SCAMP1: variants seen among roughly 807,000 people sequenced by gnomAD.
SCAMP1 encodes the protein secretory carrier membrane protein 1.
A neutral mutation model predicts 41.8 loss-of-function variants in SCAMP1; 15 were observed. That is an observed-to-expected ratio of 0.36 (90% CI 0.24 to 0.55). SCAMP1 has a LOEUF of 0.55. Among genes scored for constraint, SCAMP1 ranks in the 20% least tolerant of loss-of-function variants. SCAMP1 has a pLI of 0.86. For synonymous variants in SCAMP1, 135 were observed against 136.8 expected (o/e 0.99, Z 0.09); for missense variants, 341 against 412.6 (o/e 0.83, Z 1.50).
chr5:78,375,516 T>G (rs1235578846), intron 1 of SCAMP1, among the ~76,000 whole-genome samples: 6 of 152,202 alleles, frequency 3.9e-5, no homozygotes. Flanking sequence ...TTTCTCTCTT[T>G]GAATCTGTAG....
chr5:78,448,103 T>TTCCTCCCCTTTCCTCCCCCC (rs1753113103), intron 6 of SCAMP1, among the ~76,000 whole-genome samples: 2 of 25,508 alleles, frequency 7.8e-5, no homozygotes, highest in African/African-American at 4.7e-4. Flanking sequence ...TTCCCCCTAC[T>TTCCTCCCCTTTCCTCCCCCC]CCACTACTGC....
rs1235178670 is a variant in SCAMP1 at position 78,410,087 on chromosome 5, A to G, written c.136-5433A>G. 2.7e-5 allele frequency among the ~76,000 whole-genome samples: 4 copies of G among 150,018 alleles called. No individual in the cohort carries two copies. The East Asian group carries it at 5.9e-4, about 22-fold the overall frequency. ...TTGGGACAATATATGTGAGAATTAT[A>G]TCTCACTTAAGGTGCCGGGAACTCT... On this transcript the variant is annotated intron_variant, in intron 2 of 8. Transcript: ENST00000621999.
chr5:78,406,856 T>G (rs1363237294), intron 2 of SCAMP1, among the ~76,000 whole-genome samples: 1 of 152,200 alleles, frequency 6.6e-6, no homozygotes, highest in East Asian at 1.9e-4. Context: ...CCAGACTTTG[T>G]TTTTGATTCT....
chr5:78,398,298 A>G (rs1040879638), intron 2 of SCAMP1, among the ~76,000 whole-genome samples: 16 of 151,268 alleles, frequency 1.1e-4, no homozygotes, highest in African/African-American at 3.2e-4. Flanking sequence ...CAATTGGTGA[A>G]TCTATATTGA....
chr5:78,469,647 A>C (rs537381229), intron 8 of SCAMP1, among the ~76,000 whole-genome samples: 3 of 152,018 alleles, frequency 2.0e-5, no homozygotes, highest in African/African-American at 4.8e-5. Flanking sequence ...AATGCTGTTC[A>C]TGTGGCACTT....
chr5:78,468,264 G>A (rs1378080761), intron 8 of SCAMP1, among the ~76,000 whole-genome samples: 2 of 152,124 alleles, frequency 1.3e-5, no homozygotes, highest in Admixed American at 1.3e-4. Context: ...ATGGAGAAGG[G>A]TCTAGTTTAG....
At chr5:78,432,297 TG>T (rs1277857485) in intron 6 of SCAMP1, among the ~76,000 whole-genome samples, 1 of 152,156 alleles carries the variant, frequency 6.6e-6, no homozygotes, top group Admixed American at 6.6e-5. Flanking sequence ...TTTGTGTGTG[TG>T]GGTGTATATG....
At chr5:78,469,090 A>T (rs190216249) in intron 8 of SCAMP1, among the ~76,000 whole-genome samples, 1 of 152,180 alleles carries the variant, frequency 6.6e-6, no homozygotes, top group Non-Finnish European at 1.5e-5. Context: ...ATCACATATT[A>T]TAAGTGGACC....
At chr5:78,434,549 T>G (rs1353106711) in intron 6 of SCAMP1, among the ~76,000 whole-genome samples, 1 of 70,908 alleles carries the variant, frequency 1.4e-5, no homozygotes, top group Non-Finnish European at 2.7e-5. Flanking sequence ...TCCTTCTTTC[T>G]TCCTTCCTTT....
chr5:78,398,541 A>ATTT (rs57209214), intron 2 of SCAMP1, among the ~76,000 whole-genome samples: 1 of 44,226 alleles, frequency 2.3e-5, no homozygotes, highest in Non-Finnish European at 4.2e-5. Flanking sequence ...AAGGTTCACT[A>ATTT]TTTTTTTTTT....
chr5:78,431,003 A>G (rs764421553), intron 6 of SCAMP1, among the ~76,000 whole-genome samples: 1 of 152,008 alleles, frequency 6.6e-6, no homozygotes, highest in Non-Finnish European at 1.5e-5. Context: ...GTATGATCTA[A>G]GGACTCTTGG....
chr5:78,408,236 A>G (rs1236128863), intron 2 of SCAMP1, among the ~76,000 whole-genome samples: 1 of 152,164 alleles, frequency 6.6e-6, no homozygotes, highest in Non-Finnish European at 1.5e-5. Flanking sequence ...ACCTGGTGGC[A>G]GGCAAGAGAG....
intron 1 of SCAMP1, among the ~76,000 whole-genome samples, chr5:78,372,923 T>A (rs1435580943): frequency 6.1e-5 from 1 of 16,304 alleles, no homozygotes; most frequent in East Asian, 3.8e-4. Flanking sequence ...TTAAAAAGAT[T>A]CCCATCTTTT....
rs1343742320 is a variant in SCAMP1, at chr5:78,452,967, G to T, written c.734+2933G>T. On this transcript the variant is annotated intron_variant, in intron 7 of 8. Transcript: ENST00000621999. Reference sequence around the variant, plus strand: ...TGAGCATTTTTTCATGTGTTTTTTGGCTGCATAAATGTCTTCTTTTGAGAA... The same window carrying T: ...TGAGCATTTTTTCATGTGTTTTTTGTCTGCATAAATGTCTTCTTTTGAGAA... Among the ~76,000 whole-genome samples, 10 of 148,564 alleles carry T rather than the reference G, an allele frequency of 6.7e-5. No homozygotes were observed. The South Asian group carries it at 1.7e-3, about 26-fold the overall frequency.
At chr5:78,430,631 G>C (rs1423981199) in intron 6 of SCAMP1, among the ~76,000 whole-genome samples, 1 of 151,808 alleles carries the variant, frequency 6.6e-6, no homozygotes, top group Non-Finnish European at 1.5e-5. Flanking sequence ...TACTGTTTTA[G>C]AGTCTACAAA....
chr5:78,362,426 G>C (rs1321305587), intron 1 of SCAMP1, among the ~76,000 whole-genome samples: 1 of 152,176 alleles, frequency 6.6e-6, no homozygotes, highest in African/African-American at 2.4e-5. Context: ...TGTGACATCT[G>C]ATATTGCCAT....
chr5:78,466,281 A>C (rs1424108785), intron 8 of SCAMP1, among the ~76,000 whole-genome samples: 1 of 152,186 alleles, frequency 6.6e-6, no homozygotes, highest in Non-Finnish European at 1.5e-5. Flanking sequence ...GAAGAGAAAT[A>C]AATTGGTGGG....
chr5:78,395,881 C>T (rs1243033074), intron 2 of SCAMP1, among the ~76,000 whole-genome samples: 1 of 152,142 alleles, frequency 6.6e-6, no homozygotes, highest in Non-Finnish European at 1.5e-5. Flanking sequence ...TCATTTTTAC[C>T]ATATTCTCTT....
At chr5:78,449,904 TTTTC>T (rs772183667) in intron 6 of SCAMP1, 25 bp from the exon 7 acceptor site, 158 of 1,314,718 alleles carry the variant, frequency 1.2e-4, no homozygotes, top group African/African-American at 7.3e-4. Context: ...TAACCCCCTT[TTTTC>T]TTTCTTTCTT....
Sources: gnomAD v4.1 joint callset for allele counts (sites outside exome capture counted in the v4.1 genomes callset) on GRCh38, gnomAD v4.1.1 for gene constraint, MANE v1.5 for transcripts, NCBI Gene and HGNC (gene_info 2026-07-23, HGNC 2026-07-21) for gene names.